PTPRG: variants seen among roughly 807,000 people sequenced by gnomAD.
PTPRG encodes the protein protein tyrosine phosphatase receptor type G.
Under a neutral mutation model 165.3 loss-of-function variants are expected in PTPRG, and 102 were observed. The ratio of observed to expected loss-of-function variants is 0.62; its 90% confidence interval spans 0.53 to 0.73. The LOEUF is 0.73. Among genes scored for constraint, PTPRG ranks in the 30% least tolerant of loss-of-function variants. The pLI is 0.00. For missense variants in PTPRG, 1,866 were observed against 1,861.4 expected, an observed-to-expected ratio of 1.00 and a Z score of -0.05; for synonymous variants, 675 against 669.5, an observed-to-expected ratio of 1.01 and a Z score of -0.13.
chr3:61,746,584 C>T (rs2033215438), intron 1 of PTPRG, among the ~76,000 whole-genome samples: 1 of 152,040 alleles, frequency 6.6e-6, no homozygotes, highest in Non-Finnish European at 1.5e-5. Flanking sequence ...TGGTCCTCAA[C>T]CACCCCCCGA....
intron 2 of PTPRG, among the ~76,000 whole-genome samples, chr3:61,988,177 G>A (rs1022611513): frequency 6.6e-6 from 1 of 152,126 alleles, no homozygotes; most frequent in Non-Finnish European, 1.5e-5. Flanking sequence ...TTTGGGATGA[G>A]GATTAGGGAG....
At chr3:61,666,192 C>A (rs749515468) in intron 1 of PTPRG, among the ~76,000 whole-genome samples, 1 of 152,108 alleles carries the variant, frequency 6.6e-6, no homozygotes, top group Non-Finnish European at 1.5e-5. Flanking sequence ...CCTCTTATGC[C>A]GGCTGGTGAA....
chr3:61,822,022 G>A (rs1269576694), intron 2 of PTPRG, among the ~76,000 whole-genome samples: 1 of 152,204 alleles, frequency 6.6e-6, no homozygotes, highest in Non-Finnish European at 1.5e-5. Context: ...CAGGGATTAA[G>A]TAACTGCACC....
intron 8 of PTPRG, among the ~76,000 whole-genome samples, chr3:62,184,462 C>G (rs1705788860): frequency 6.6e-6 from 1 of 152,182 alleles, no homozygotes; most frequent in Non-Finnish European, 1.5e-5. Context: ...AAAAGATAAT[C>G]ACTCCCTGAG....
At chr3:61,817,616 A>T (rs557915994) in intron 2 of PTPRG, among the ~76,000 whole-genome samples, 23 of 152,298 alleles carry the variant, frequency 1.5e-4, no homozygotes, top group South Asian at 4.1e-4. Flanking sequence ...ATATGTGTGG[A>T]TGGGACAAAC....
intron 2 of PTPRG, among the ~76,000 whole-genome samples, chr3:61,869,900 C>A (rs2037515572): frequency 6.6e-6 from 1 of 152,116 alleles, no homozygotes; most frequent in Admixed American, 6.6e-5. Context: ...TGCACCTGGT[C>A]CTGGGTGCCA....
At chr3:61,763,537 TG>T (rs2033922595) in intron 2 of PTPRG, among the ~76,000 whole-genome samples, 2 of 148,410 alleles carry the variant, frequency 1.3e-5, no homozygotes, top group African/African-American at 2.5e-5. Flanking sequence ...AGCTAATTTT[TG>T]TATTTCTCCT....
chr3:61,789,316 G>A (rs1046012862), intron 2 of PTPRG, among the ~76,000 whole-genome samples: 3 of 151,998 alleles, frequency 2.0e-5, no homozygotes, highest in African/African-American at 7.3e-5. Flanking sequence ...TGCCCAGGCT[G>A]GTCTCAGACT....
In PTPRG at chr3:62,042,509, A is replaced by C. The variant is rs149111172; in HGVS notation, c.520-35654A>C. On this transcript the variant is annotated intron_variant, in intron 4 of 29. Coordinates refer to ENST00000474889, the MANE Select transcript of PTPRG (RefSeq NM_002841.4). ...TCTCACCTTTTCTTTCTGTATCATG[A>C]ATTTTTAAGCATGGTGTTCTTTTGC... Among the ~76,000 whole-genome samples the C allele has an allele frequency of 3.3e-3, 507 of 152,268 alleles. 1 individual carries two copies. Among genetic ancestry groups the C allele is most frequent in the African/African-American group, 0.011 (472 of 41,550 alleles).
chr3:61,754,351 A>G (rs2033561021), intron 2 of PTPRG, among the ~76,000 whole-genome samples: 1 of 152,214 alleles, frequency 6.6e-6, no homozygotes, highest in Non-Finnish European at 1.5e-5. Context: ...TCCACCCTGG[A>G]GTAGAGTAGG....
chr3:62,201,053 G>A (rs1295199270), intron 10 of PTPRG, among the ~76,000 whole-genome samples: 1 of 152,104 alleles, frequency 6.6e-6, no homozygotes, highest in Non-Finnish European at 1.5e-5. Context: ...GGGTGGAGGT[G>A]GACATTGACT....
chr3:61,778,834 A>G (rs986029746), intron 2 of PTPRG, among the ~76,000 whole-genome samples: 5 of 152,076 alleles, frequency 3.3e-5, no homozygotes, highest in Admixed American at 3.3e-4. Flanking sequence ...GGGACCAACA[A>G]GTATCAGGAC....
At chr3:61,926,344 T>A (rs1419481567) in intron 2 of PTPRG, among the ~76,000 whole-genome samples, 1 of 152,052 alleles carries the variant, frequency 6.6e-6, no homozygotes, top group Non-Finnish European at 1.5e-5. Flanking sequence ...CTTGTGACAG[T>A]GAGATCCAGT....
intron 4 of PTPRG, among the ~76,000 whole-genome samples, chr3:62,006,261 A>G (rs567648483): frequency 6.6e-6 from 1 of 152,312 alleles, no homozygotes; most frequent in Admixed American, 6.5e-5. Flanking sequence ...TATTAATGGT[A>G]TATTTGGAGG....
intron 5 of PTPRG, among the ~76,000 whole-genome samples, chr3:62,108,590 T>C (rs574000911): frequency 2.0e-4 from 30 of 152,214 alleles, no homozygotes; most frequent in Non-Finnish European, 4.4e-4. Flanking sequence ...AAATGGTATT[T>C]CTAGTTCTAG....
intron 2 of PTPRG, among the ~76,000 whole-genome samples, chr3:61,866,907 C>A (rs887730768): frequency 1.7e-4 from 26 of 152,124 alleles, no homozygotes. Flanking sequence ...AAAGTGGTTG[C>A]TTTTATTCTA....
At chr3:62,002,656 G>A (rs2041202168) in intron 3 of PTPRG, among the ~76,000 whole-genome samples, 1 of 152,118 alleles carries the variant, frequency 6.6e-6, no homozygotes, top group African/African-American at 2.4e-5. Context: ...ATGCTTTCAG[G>A]TATTCTTTGG....
chr3:62,168,932 G>T (rs1479077236), intron 8 of PTPRG, among the ~76,000 whole-genome samples: 4 of 152,150 alleles, frequency 2.6e-5, no homozygotes, highest in Admixed American at 2.6e-4. Context: ...GGAGCTGGAA[G>T]GGGTATCAAG....
chr3:61,699,826 CAAAG>C (rs912811690), intron 1 of PTPRG, among the ~76,000 whole-genome samples: 5 of 152,108 alleles, frequency 3.3e-5, no homozygotes, highest in South Asian at 2.1e-4. Flanking sequence ...CCTGTGATGA[CAAAG>C]AAGCCTAAAA....
Sources: gnomAD v4.1 joint callset for allele counts (sites outside exome capture counted in the v4.1 genomes callset) on GRCh38, gnomAD v4.1.1 for gene constraint, MANE v1.5 for transcripts, NCBI Gene and HGNC (gene_info 2026-07-23, HGNC 2026-07-21) for gene names.